PRKCH: variants seen among roughly 807,000 people sequenced by gnomAD.
PRKCH encodes protein kinase C eta type.
In PRKCH, 28 loss-of-function variants were observed where a neutral mutation model predicts 82.5. That is an observed-to-expected ratio of 0.34 (90% CI 0.25 to 0.47). PRKCH has a LOEUF of 0.47. PRKCH is among the 20% of genes least tolerant of loss of function. PRKCH has a pLI of 1.00. For missense variants in PRKCH, 705 were observed against 881.8 expected (o/e 0.80, Z 2.54); for synonymous variants, 322 against 327.4 (o/e 0.98, Z 0.18).
intron 1 of PRKCH, among the ~76,000 whole-genome samples, chr14:61,222,729 C>T (rs2044664647): frequency 6.6e-6 from 1 of 152,180 alleles, no homozygotes; most frequent in African/African-American, 2.4e-5. Context: ...GTTAGTTCGA[C>T]AATGGATAAG....
chr14:61,385,334 C>T (rs749066153), intron 1 of PRKCH, among the ~76,000 whole-genome samples: 28 of 150,912 alleles, frequency 1.9e-4, no homozygotes, highest in African/African-American at 6.2e-4. Context: ...ATCCAGTGAA[C>T]GCTATGACCT....
rs199697931 is a variant in PRKCH, at chr14:61,405,604, C to T, written c.427+14316C>T. Reference sequence around the variant, plus strand: ...TGTTGGCCAGGCTGGTCTCGAACTCCTGATCTCAGGTGATCGGCACCCCTT... The same window carrying T: ...TGTTGGCCAGGCTGGTCTCGAACTCTTGATCTCAGGTGATCGGCACCCCTT... On this transcript the variant is annotated intron_variant, in intron 2 of 13. Coordinates refer to ENST00000332981, the MANE Select transcript of PRKCH (RefSeq NM_006255.5). Among the ~76,000 whole-genome samples the T allele has an allele frequency of 1.8e-4, 28 of 152,334 alleles. No individual in the cohort carries two copies. In the East Asian group the frequency reaches 5.2e-3, roughly 28 times the overall value.
At chr14:61,433,715 G>C (rs1883531615) in intron 2 of PRKCH, among the ~76,000 whole-genome samples, 1 of 152,174 alleles carries the variant, frequency 6.6e-6, no homozygotes, top group Admixed American at 6.5e-5. Flanking sequence ...AGTATTAGTG[G>C]CTACAAGAAC....
At chr14:61,497,999 TA>T (rs965485215) in intron 10 of PRKCH, among the ~76,000 whole-genome samples, 1 of 152,076 alleles carries the variant, frequency 6.6e-6, no homozygotes, top group Non-Finnish European at 1.5e-5. Context: ...TTTTTATCAT[TA>T]AAAAAATGCC....
At chr14:61,407,172 T>C (rs1241785226) in intron 2 of PRKCH, among the ~76,000 whole-genome samples, 4 of 152,230 alleles carry the variant, frequency 2.6e-5, no homozygotes, top group African/African-American at 9.6e-5. Flanking sequence ...CATCAGAGAC[T>C]ATTCTCATGC....
chr14:61,250,512 C>T (rs749171911), intron 1 of PRKCH, among the ~76,000 whole-genome samples: 1 of 151,936 alleles, frequency 6.6e-6, no homozygotes, highest in Non-Finnish European at 1.5e-5. Flanking sequence ...TGTATGATTC[C>T]AGCTATATGA....
At chr14:61,295,158 G>A (rs1019552409) in intron 1 of PRKCH, among the ~76,000 whole-genome samples, 3 of 152,106 alleles carry the variant, frequency 2.0e-5, no homozygotes, top group East Asian at 1.9e-4. Flanking sequence ...GAGCCACCAC[G>A]CCTGGCTCTT....
intron 1 of PRKCH, among the ~76,000 whole-genome samples, chr14:61,190,398 AT>A (rs1384831593): frequency 1.3e-5 from 2 of 152,140 alleles, no homozygotes; most frequent in Admixed American, 6.5e-5. Context: ...GAACATCTGT[AT>A]CAACCTTCTA....
chr14:61,391,758 A>AT (rs1029122552), intron 2 of PRKCH, among the ~76,000 whole-genome samples: 8 of 152,024 alleles, frequency 5.3e-5, no homozygotes, highest in South Asian at 2.1e-4. Context: ...CCCATCCAAT[A>AT]TTTTTTTTAC....
chr14:61,399,690 ATAAAG>A (rs1881495474), intron 2 of PRKCH, among the ~76,000 whole-genome samples: 1 of 152,230 alleles, frequency 6.6e-6, no homozygotes, highest in South Asian at 2.1e-4. Flanking sequence ...TCCTAAAAGA[ATAAAG>A]TAAATCAGAA....
At position 61,549,734 on chromosome 14, in the gene PRKCH, A is replaced by G; in HGVS notation, c.1955A>G (p.Glu652Gly). The G allele has an allele frequency of 6.2e-7, 1 of 1,613,966 alleles. No individual in the cohort carries two copies. The highest frequency in any genetic ancestry group is 8.5e-7 in the Non-Finnish European group (1 of 1,180,004). ...SNFDPDFIKE[E>G]PVLTPIDEGH... ...TTTGACCCTGACTTCATAAAGGAAG[A>G]GCCAGTTTTAACTCCAATTGATGAG... is the stretch of plus-strand genomic sequence containing the variant. The change falls in exon 14 of 14, where the codon GAG becomes GGG. Residue 652 changes from glutamate (E) to glycine (G), a missense_variant. Glu to Gly is a moderately conservative substitution (Grantham distance 98). This residue lies in a region of PRKCH where 91 missense variants were observed against 81.2 expected (regional missense o/e 1.12). Coordinates refer to ENST00000332981, the MANE Select transcript of PRKCH (RefSeq NM_006255.5).
intron 1 of PRKCH, among the ~76,000 whole-genome samples, chr14:61,252,741 TAC>T (rs1326098319): frequency 6.6e-6 from 1 of 152,258 alleles, no homozygotes; most frequent in Non-Finnish European, 1.5e-5. Flanking sequence ...AAGTTTAAAG[TAC>T]AGACTTGAAG....
intron 1 of PRKCH, among the ~76,000 whole-genome samples, chr14:61,385,335 G>A (rs766439881): frequency 2.7e-4 from 41 of 151,944 alleles, no homozygotes; most frequent in Non-Finnish European, 1.3e-4. Flanking sequence ...TCCAGTGAAC[G>A]CTATGACCTG....
At chr14:61,439,565 C>T (rs952549503) in intron 2 of PRKCH, among the ~76,000 whole-genome samples, 27 of 152,166 alleles carry the variant, frequency 1.8e-4, no homozygotes, top group Non-Finnish European at 3.2e-4. Flanking sequence ...GAAAGAGACA[C>T]GGCCCCAGGT....
chr14:61,467,022 G>C (rs1049482228), intron 9 of PRKCH, among the ~76,000 whole-genome samples: 1 of 152,176 alleles, frequency 6.6e-6, no homozygotes, highest in Non-Finnish European at 1.5e-5. Context: ...TGCAGCTTGA[G>C]TGCAAAGGAA....
intron 9 of PRKCH, among the ~76,000 whole-genome samples, chr14:61,467,287 T>C (rs111294157): frequency 1.3e-5 from 2 of 152,272 alleles, no homozygotes; most frequent in Admixed American, 6.5e-5. Flanking sequence ...TCCACCTAAA[T>C]GTGTGTTCCT....
Position 61,504,856 on chromosome 14 carries a change from A to G in PRKCH, c.1433+19200A>G, listed in dbSNP as rs551588057. On this transcript the variant is annotated intron_variant, in intron 10 of 13. Coordinates refer to ENST00000332981, the MANE Select transcript of PRKCH (RefSeq NM_006255.5). Reference sequence around the variant, plus strand: ...GAGGTATAAATTTGTCTGTAACTTTATAGGTTTGTATTCATTTATTAATCC... The same window carrying G: ...GAGGTATAAATTTGTCTGTAACTTTGTAGGTTTGTATTCATTTATTAATCC... 2.6e-5 allele frequency among the ~76,000 whole-genome samples: 4 copies of G among 152,248 alleles called. No homozygotes were observed. The East Asian group carries it at 7.7e-4, about 29-fold the overall frequency.
chr14:61,506,332 AGGAGGAACTTC>A (rs1887146877), intron 10 of PRKCH, among the ~76,000 whole-genome samples: 1 of 152,154 alleles, frequency 6.6e-6, no homozygotes, highest in African/African-American at 2.4e-5. Flanking sequence ...GTGAGTCAGC[AGGAGGAACTTC>A]GGTGCACCAA....
At chr14:61,327,314 A>G (rs2045710864) in intron 1 of PRKCH, 2 of 335,088 alleles carry the variant, frequency 6.0e-6, no homozygotes, top group East Asian at 7.9e-5. Context: ...CAGATTTTCT[A>G]TCTAGTGGTT....
Sources: gnomAD v4.1 joint callset for allele counts (sites outside exome capture counted in the v4.1 genomes callset) on GRCh38, gnomAD v4.1.1 for gene constraint, gnomAD v4.1.1 regional missense constraint, MANE v1.5 for transcripts, NCBI Gene and HGNC (gene_info 2026-07-23, HGNC 2026-07-21) for gene names.